Variants in SLC13A4 observed in about 807,000 individuals in gnomAD.
SLC13A4 encodes the protein solute carrier family 13 member 4.
SLC13A4 carries 28 observed loss-of-function variants against 72.7 expected under a neutral mutation model. The ratio of observed to expected loss-of-function variants is 0.39; its 90% confidence interval spans 0.29 to 0.53. The LOEUF is 0.53. SLC13A4 is among the 20% of genes least tolerant of loss of function. The probability of loss-of-function intolerance (pLI) is 0.78; values close to 1 mark genes in which losing one functional copy is unlikely to be tolerated. For synonymous variants in SLC13A4, 312 were observed against 325.5 expected, an observed-to-expected ratio of 0.96 and a Z score of 0.45; for missense variants, 653 against 788.0, an observed-to-expected ratio of 0.83 and a Z score of 2.05.
In SLC13A4 at chr7:135,695,499, A is replaced by G; in HGVS notation, c.900-12T>C. Reference sequence around the variant, plus strand: ...CGGCTGGATACTGGCTGGAGGGTAAAGAACCAGGTCAGCAATTAGAAAGGG... The same window carrying G: ...CGGCTGGATACTGGCTGGAGGGTAAGGAACCAGGTCAGCAATTAGAAAGGG... On this transcript the variant is annotated splice_polypyrimidine_tract_variant and intron_variant, in intron 8 of 15. Coordinates refer to ENST00000682651, the MANE Select transcript of SLC13A4 (RefSeq NM_001318192.2). 1.2e-6 allele frequency: 2 copies of G among 1,613,042 alleles called. No individual in the cohort carries two copies. The highest frequency in any genetic ancestry group is 1.7e-6 in the Non-Finnish European group (2 of 1,179,392).
chr7:135,724,767 C>A (rs1394778160), intron 1 of SLC13A4, among the ~76,000 whole-genome samples: 1 of 152,124 alleles, frequency 6.6e-6, no homozygotes, highest in African/African-American at 2.4e-5. Flanking sequence ...ACAAGAGACA[C>A]CTTTAGAGAG....
In SLC13A4 at chr7:135,681,462, G is replaced by A; in HGVS notation, c.*101C>T. On this transcript the variant is annotated 3_prime_UTR_variant, in exon 16 of 16. Coordinates refer to ENST00000682651, the MANE Select transcript of SLC13A4 (RefSeq NM_001318192.2). ...GGATGCCCTCCGGCGTGGGTCTGGG[G>A]TTGTGTGCTCCTGGTGGTCCTAGTG... 6.8e-7 allele frequency: 1 copy of A among 1,481,152 alleles called. No individual in the cohort carries two copies. Among genetic ancestry groups the A allele is most frequent in the Non-Finnish European group, 9.2e-7 (1 of 1,089,510 alleles). The allele number at this position is 1,481,152 out of a possible 1,614,324, so 91.8% of individuals were successfully genotyped here.
Position 135,692,537 on chromosome 7 carries a change from A to T in SLC13A4, c.1122-113T>A, listed in dbSNP as rs549654500. 4.4e-6 allele frequency: 3 copies of T among 687,040 alleles called. No individual in the cohort carries two copies. In the South Asian group the frequency reaches 5.8e-5, roughly 13 times the overall value. 42.6% of individuals were successfully genotyped at this position (687,040 alleles called of 1,614,324 possible). Reference sequence around the variant, plus strand: ...AGTTTCAATACCCTAGACATAAAACACACTCACTGCCTAACCACTATGAAT... The same window carrying T: ...AGTTTCAATACCCTAGACATAAAACTCACTCACTGCCTAACCACTATGAAT... On this transcript the variant is annotated intron_variant, in intron 10 of 15. Transcript: ENST00000682651.
chr7:135,707,994 G>T, intron 3 of SLC13A4, 120 bp downstream of exon 3: 1 of 1,302,916 alleles, frequency 7.7e-7, no homozygotes, highest in Non-Finnish European at 1.1e-6. Context: ...GTGTCAGCCC[G>T]ACCCTTTGGT....
intron 7 of SLC13A4, 116 bp from the exon 8 acceptor site, chr7:135,699,664 GACAAATCACAGTTTCT>G (rs66561404): frequency 0.24 from 193,337 of 820,942 alleles, 26,701 homozygotes; most frequent in East Asian, 0.52. Context: ...GTGTCAGAAA[GACAAATCACAGTTTCT>G]ACCATTTGTC....
At chr7:135,697,587 T>A (rs76335961) in intron 8 of SLC13A4, among the ~76,000 whole-genome samples, 1 of 128,068 alleles carries the variant, frequency 7.8e-6, no homozygotes, top group African/African-American at 3.1e-5. Flanking sequence ...TCTGTTCTCC[T>A]TTTTTTTTTT....
intron 2 of SLC13A4, 134 bp downstream of exon 2, chr7:135,721,261 T>G (rs1237445668): frequency 1.0e-6 from 1 of 995,916 alleles, no homozygotes; most frequent in Non-Finnish European, 1.5e-6. Flanking sequence ...CAAAGCTTAG[T>G]GTTAAGGGGT....
intron 14 of SLC13A4, 73 bp from the exon 15 acceptor site, chr7:135,684,334 CT>C: frequency 6.6e-7 from 1 of 1,506,852 alleles, no homozygotes; most frequent in Non-Finnish European, 9.0e-7. Context: ...CAGGAGCATG[CT>C]TTAATGATGA....
At position 135,685,502 on chromosome 7, in the gene SLC13A4, G is replaced by C. The variant is rs1295183349; in HGVS notation, c.1608+20C>G. 3 of 1,609,524 alleles carry C rather than the reference G, an allele frequency of 1.9e-6. No homozygotes were observed. The highest frequency in any genetic ancestry group is 1.7e-5 in the Admixed American group (1 of 59,970). On this transcript the variant is annotated intron_variant, in intron 14 of 15. Transcript: ENST00000682651. Reference sequence around the variant, plus strand: ...CCTGGGACAGCCTGTCTGGATGTCTGGGAGCTCCGCATTACTCACCAGGCT... The same window carrying C: ...CCTGGGACAGCCTGTCTGGATGTCTCGGAGCTCCGCATTACTCACCAGGCT...
intron 1 of SLC13A4, among the ~76,000 whole-genome samples, chr7:135,722,592 G>GA (rs11376305): frequency 0.48 from 69,582 of 146,380 alleles, 16,232 homozygotes; most frequent in African/African-American, 0.52. Context: ...TGTGAGATTT[G>GA]AAAAAAAAAA....
At chr7:135,706,034 C>A in intron 4 of SLC13A4, 94 bp downstream of exon 4, 2 of 1,286,646 alleles carry the variant, frequency 1.6e-6, no homozygotes, top group South Asian at 1.6e-5. Context: ...CTGGGGTGGG[C>A]ACAAAGTTGG....
chr7:135,695,861 C>T (rs948787971), intron 8 of SLC13A4, among the ~76,000 whole-genome samples: 3 of 152,128 alleles, frequency 2.0e-5, no homozygotes, highest in African/African-American at 7.2e-5. Flanking sequence ...TCTAAAATCA[C>T]CAAAGGAATG....
chr7:135,691,835 G>A (rs988855835), intron 11 of SLC13A4, 190 bp from the exon 12 acceptor site: 22 of 550,170 alleles, frequency 4.0e-5, no homozygotes, highest in Non-Finnish European at 6.2e-5. Flanking sequence ...CGAATGTCTG[G>A]AGGCAGGGCC....
intron 2 of SLC13A4, among the ~76,000 whole-genome samples, chr7:135,716,734 C>T (rs368479861): frequency 2.6e-5 from 4 of 152,182 alleles, no homozygotes; most frequent in East Asian, 1.9e-4. Context: ...GCTGCATAAC[C>T]GCGGGTAAGT....
At chr7:135,683,308 A>G (rs1167241263) in intron 15 of SLC13A4, 1 of 817,148 alleles carries the variant, frequency 1.2e-6, no homozygotes, top group African/African-American at 1.9e-5. Context: ...AAAAAAAAAA[A>G]AAAAAAAAAA....
At chr7:135,725,765 C>T (rs572008501) in intron 1 of SLC13A4, among the ~76,000 whole-genome samples, 1 of 152,252 alleles carries the variant, frequency 6.6e-6, no homozygotes, top group East Asian at 1.9e-4. Flanking sequence ...TGAGACCAGC[C>T]TGGGCAACAT....
At chr7:135,723,909 T>A (rs1248127867) in intron 1 of SLC13A4, among the ~76,000 whole-genome samples, 3 of 151,654 alleles carry the variant, frequency 2.0e-5, no homozygotes, top group Non-Finnish European at 4.4e-5. Flanking sequence ...GAACCAATGG[T>A]GGAAAAAAAA....
chr7:135,699,549 C>G lies in SLC13A4; in HGVS notation c.715-1G>C, dbSNP rs761960299. 2.1e-5 allele frequency: 34 copies of G among 1,591,776 alleles called. No homozygotes were observed. The highest frequency in any genetic ancestry group is 2.3e-5 in the Non-Finnish European group (27 of 1,168,092). On this transcript the variant is annotated splice_acceptor_variant, in intron 7 of 15. Coordinates refer to ENST00000682651, the MANE Select transcript of SLC13A4 (RefSeq NM_001318192.2). LOFTEE classifies it high-confidence loss of function. ...TGGGGGTCAGGACTTGTGGCTTTTC[C>G]TAACGAAGGAAAATCAGCAAATCTG...
In SLC13A4 at chr7:135,691,600, G is replaced by A. The variant is rs1795788679; in HGVS notation, c.1269C>T (p.Phe423=). The A allele has an allele frequency of 6.2e-7, 1 of 1,614,020 alleles. No homozygotes were observed. The highest frequency in any genetic ancestry group is 2.2e-5 in the East Asian group (1 of 44,890). The change falls in exon 12 of 16, where the codon TTC becomes TTT. Residue 423 remains phenylalanine, a synonymous_variant. Transcript: ENST00000682651. The part of the protein sequence containing the change: ...TDATVSVFLG[F]LLFLIPAKKP... ...TCTTCGCTGGAATGAGGAAGAGGAG[G>A]AAGCCAAGGAAGACAGAGACTGTGG...
Sources: allele counts gnomAD v4.1 joint callset (sites outside exome capture counted in the v4.1 genomes callset), GRCh38; gene constraint gnomAD v4.1.1; transcripts MANE v1.5; gene names NCBI Gene and HGNC (gene_info 2026-07-23, HGNC 2026-07-21).